GSG1L: variants seen among roughly 807,000 people sequenced by gnomAD.
GSG1L encodes the protein germ cell-specific gene 1-like protein.
A neutral mutation model predicts 42.1 loss-of-function variants in GSG1L; 24 were observed. That is an observed-to-expected ratio of 0.57 (90% confidence interval 0.41 to 0.80). The LOEUF (loss-of-function observed/expected upper bound fraction) is 0.80. GSG1L is among the 30% of genes least tolerant of loss of function. The pLI is 0.00. For synonymous variants in GSG1L, 215 were observed against 203.5 expected (o/e 1.06, Z -0.48); for missense variants, 445 against 472.2 (o/e 0.94, Z 0.53).
chr16:27,887,969 C>T (rs981453952), intron 2 of GSG1L: 2 of 433,470 alleles, frequency 4.6e-6, no homozygotes, highest in Non-Finnish European at 6.2e-6. Flanking sequence ...CACCAGGCAG[C>T]GGGGAGCAAA....
intron 6 of GSG1L, among the ~76,000 whole-genome samples, chr16:27,799,207 C>T (rs914137540): frequency 6.7e-6 from 1 of 150,302 alleles, no homozygotes; most frequent in Non-Finnish European, 1.5e-5. Flanking sequence ...AGTTCGAGAC[C>T]GGCCTGGGCA....
At chr16:27,866,327 C>G (rs1294816888) in intron 3 of GSG1L, among the ~76,000 whole-genome samples, 1 of 152,200 alleles carries the variant, frequency 6.6e-6, no homozygotes, top group Non-Finnish European at 1.5e-5. Flanking sequence ...CTGTTACAGT[C>G]ATCATCCTCA....
chr16:27,955,500 AC>A lies in GSG1L; in HGVS notation c.397+7655del, dbSNP rs564432821. Among the ~76,000 whole-genome samples the A allele has an allele frequency of 1.6e-3, 248 of 152,310 alleles. 2 individuals carry two copies. The highest frequency in any genetic ancestry group is 5.5e-3 in the African/African-American group (230 of 41,570). On this transcript the variant is annotated intron_variant, in intron 2 of 6. Transcript: ENST00000447459. ...CAGATCACACAAAAGAATCAGAATA[AC>A]ATTGAAATTTTCAACAACACTGGAG... is the stretch of plus-strand genomic sequence containing the variant.
intron 6 of GSG1L, among the ~76,000 whole-genome samples, chr16:27,799,289 T>C (rs1235329088): frequency 7.1e-6 from 1 of 140,098 alleles, no homozygotes; most frequent in African/African-American, 2.7e-5. Context: ...ATCTCATCAC[T>C]TTGGGAGTCC....
intron 2 of GSG1L, among the ~76,000 whole-genome samples, chr16:27,919,263 A>G (rs2084497108): frequency 6.6e-6 from 1 of 152,218 alleles, no homozygotes; most frequent in Admixed American, 6.5e-5. Context: ...GGGGATGCCC[A>G]AAGTGGCAAT....
At chr16:27,984,272 C>G (rs866655397) in intron 1 of GSG1L, among the ~76,000 whole-genome samples, 2 of 152,116 alleles carry the variant, frequency 1.3e-5, no homozygotes, top group Non-Finnish European at 2.9e-5. Context: ...TTTGCATAGG[C>G]CTGCTCACTG....
intron 2 of GSG1L, among the ~76,000 whole-genome samples, chr16:27,911,333 C>A (rs185633783): frequency 1.3e-5 from 2 of 148,504 alleles, no homozygotes; most frequent in East Asian, 3.9e-4. Context: ...CTCTGTCACC[C>A]AGGCTGGAGT....
rs1404776890 is a variant in GSG1L, at chr16:27,989,775, T to C, written c.350-26572A>G. On this transcript the variant is annotated intron_variant, in intron 1 of 6. Coordinates refer to ENST00000447459, the MANE Select transcript of GSG1L (RefSeq NM_001109763.2). ...ACAACAAACAATTATATGGGAAACG[T>C]TGTCAAATAAGAAATGGTGTTTAAC... 4.6e-5 allele frequency among the ~76,000 whole-genome samples: 7 copies of C among 151,886 alleles called. No individual in the cohort carries two copies. In the South Asian group the frequency reaches 1.5e-3, roughly 32 times the overall value.
Position 27,934,608 on chromosome 16 carries a change from G to A in GSG1L, c.397+28548C>T, listed in dbSNP as rs181602596. Among the ~76,000 whole-genome samples, 33 of 151,086 alleles carry A rather than the reference G, an allele frequency of 2.2e-4. 1 individual carries two copies. Among genetic ancestry groups the A allele is most frequent in the East Asian group, 1.5e-3 (8 of 5,186 alleles). On this transcript the variant is annotated intron_variant, in intron 2 of 6. Transcript: ENST00000447459. ...TTCATTTCCAAGGAAAGGAGAATACGGAAGAGAGAGTGGAGAAGTTGAAGA... is the reference window on the plus strand; with the variant it reads ...TTCATTTCCAAGGAAAGGAGAATACAGAAGAGAGAGTGGAGAAGTTGAAGA...
At chr16:27,821,335 TG>T (rs763287052) in intron 5 of GSG1L, among the ~76,000 whole-genome samples, 23 of 152,088 alleles carry the variant, frequency 1.5e-4, no homozygotes, top group Non-Finnish European at 3.1e-4. Context: ...ATTCATTACA[TG>T]GGTGCATTGC....
intron 1 of GSG1L, among the ~76,000 whole-genome samples, chr16:28,014,613 C>T (rs1391968929): frequency 2.0e-5 from 3 of 151,394 alleles, no homozygotes; most frequent in South Asian, 4.2e-4. Context: ...CAACAATCCT[C>T]TCATCTCAGC....
chr16:27,968,689 G>C (rs1437869881), intron 1 of GSG1L, among the ~76,000 whole-genome samples: 2 of 152,122 alleles, frequency 1.3e-5, no homozygotes, highest in Non-Finnish European at 2.9e-5. Context: ...CCTGCAGCAG[G>C]CTCCCAGCTC....
intron 1 of GSG1L, among the ~76,000 whole-genome samples, chr16:27,968,049 G>A (rs568769142): frequency 3.9e-5 from 6 of 152,154 alleles, no homozygotes; most frequent in Non-Finnish European, 7.4e-5. Flanking sequence ...CAACACCCGA[G>A]GCCACATTAA....
At chr16:27,959,631 C>T (rs1485693729) in intron 2 of GSG1L, among the ~76,000 whole-genome samples, 5 of 151,422 alleles carry the variant, frequency 3.3e-5, no homozygotes, top group African/African-American at 7.3e-5. Context: ...CATTTGGGCA[C>T]CAAGCGTGGG....
At chr16:27,856,200 A>G (rs989503037) in intron 3 of GSG1L, among the ~76,000 whole-genome samples, 10 of 152,080 alleles carry the variant, frequency 6.6e-5, no homozygotes, top group African/African-American at 2.4e-4. Flanking sequence ...AAACCAGAAA[A>G]TGTTTCCAAA....
intron 3 of GSG1L, among the ~76,000 whole-genome samples, chr16:27,856,982 C>T (rs2083587098): frequency 6.6e-6 from 1 of 152,170 alleles, no homozygotes; most frequent in Admixed American, 6.5e-5. Flanking sequence ...AAGTTCAAGC[C>T]CAGCTTTCTT....
intron 3 of GSG1L, among the ~76,000 whole-genome samples, chr16:27,875,169 G>A (rs912839677): frequency 3.3e-5 from 5 of 152,110 alleles, no homozygotes; most frequent in Admixed American, 2.0e-4. Flanking sequence ...TGCTTTCTTC[G>A]GTGGAGAAGG....
Position 27,947,549 on chromosome 16 carries a change from G to GAA in GSG1L, c.397+15605_397+15606dup, listed in dbSNP as rs1423619888. ...AGAAAGAAAGAATGAAGGAAAGAAAGAAAGAAAGAAAGAAAGAAAGAAAGA... is the reference window on the plus strand; with the variant it reads ...AGAAAGAAAGAATGAAGGAAAGAAAGAAAAAGAAAGAAAGAAAGAAAGAAAGA... On this transcript the variant is annotated intron_variant, in intron 2 of 6. Coordinates refer to ENST00000447459, the MANE Select transcript of GSG1L (RefSeq NM_001109763.2). Among the ~76,000 whole-genome samples, 210 of 56,486 alleles carry GAA rather than the reference G, an allele frequency of 3.7e-3. 2 individuals carry two copies. The highest frequency in any genetic ancestry group is 0.017 in the African/African-American group (201 of 12,082). The allele number at this position is 56,486 out of a possible 152,430, so 37.1% of individuals were successfully genotyped here. A position where few individuals can be genotyped will look rare whatever the true frequency, so the allele number is the denominator to read the frequency against.
At chr16:27,962,718 C>G (rs1035037744) in intron 2 of GSG1L, among the ~76,000 whole-genome samples, 1 of 152,194 alleles carries the variant, frequency 6.6e-6, no homozygotes, top group Non-Finnish European at 1.5e-5. Context: ...TGAGCCCTCT[C>G]TGGATGGTGG....
Sources: allele counts gnomAD v4.1 joint callset (sites outside exome capture counted in the v4.1 genomes callset), GRCh38; gene constraint gnomAD v4.1.1; transcripts MANE v1.5; gene names NCBI Gene and HGNC (gene_info 2026-07-23, HGNC 2026-07-21).